RABGAP1L: variants seen among roughly 807,000 people sequenced by gnomAD.
The protein encoded by RABGAP1L is rab GTPase-activating protein 1-like.
RABGAP1L carries 63 observed loss-of-function variants against 137.7 expected under a neutral mutation model. The observed-to-expected ratio is 0.46, with a 90% CI of 0.37 to 0.56. The LOEUF (loss-of-function observed/expected upper bound fraction) is 0.56, where lower values mean the gene tolerates loss of function less well. Among genes scored for constraint, RABGAP1L ranks in the 20% least tolerant of loss-of-function variants. The pLI, the probability that RABGAP1L is intolerant of heterozygous loss-of-function variation, is 0.00. For synonymous variants in RABGAP1L, 431 were observed against 433.7 expected (o/e 0.99, Z 0.08); for missense variants, 1,095 against 1,244.0 (o/e 0.88, Z 1.80).
chr1:174,478,741 A>G (rs981937028), intron 13 of RABGAP1L, among the ~76,000 whole-genome samples: 10 of 152,212 alleles, frequency 6.6e-5, no homozygotes, highest in African/African-American at 9.6e-5. Flanking sequence ...TTCTTAAATT[A>G]GAGACCAATA....
At chr1:174,795,231 G>A (rs1688158805) in intron 18 of RABGAP1L, among the ~76,000 whole-genome samples, 1 of 152,076 alleles carries the variant, frequency 6.6e-6, no homozygotes, top group African/African-American at 2.4e-5. Flanking sequence ...ATTATTTTGA[G>A]GTAAAGGCGA....
At chr1:174,772,952 G>A (rs114899082) in intron 18 of RABGAP1L, among the ~76,000 whole-genome samples, 1,642 of 152,130 alleles carry the variant, frequency 0.011, 35 homozygotes, top group African/African-American at 0.038. Flanking sequence ...TGTTAATATT[G>A]TATTACTATT....
At chr1:174,286,940 T>G (rs751255477) in intron 10 of RABGAP1L, among the ~76,000 whole-genome samples, 5 of 152,166 alleles carry the variant, frequency 3.3e-5, no homozygotes, top group African/African-American at 7.2e-5. Flanking sequence ...AAGACTTTTT[T>G]TGTGTGTCTT....
intron 13 of RABGAP1L, among the ~76,000 whole-genome samples, chr1:174,543,101 CT>C (rs1473412085): frequency 6.6e-6 from 1 of 152,130 alleles, no homozygotes; most frequent in Non-Finnish European, 1.5e-5. Context: ...CTGTAGGTGT[CT>C]ATTAGATCTG....
At chr1:174,612,319 G>C (rs1671330932) in intron 13 of RABGAP1L, among the ~76,000 whole-genome samples, 1 of 152,130 alleles carries the variant, frequency 6.6e-6, no homozygotes. Context: ...ATAATCATGT[G>C]ATTTTTATCT....
At chr1:174,511,227 A>G (rs1662300179) in intron 13 of RABGAP1L, among the ~76,000 whole-genome samples, 3 of 152,342 alleles carry the variant, frequency 2.0e-5, no homozygotes, top group Middle Eastern at 6.8e-3. Flanking sequence ...AAATGTGTCT[A>G]TAAGGTACAT....
At chr1:174,728,005 TAGTC>T (rs1413414382) in intron 17 of RABGAP1L, among the ~76,000 whole-genome samples, 2 of 152,204 alleles carry the variant, frequency 1.3e-5, no homozygotes, top group African/African-American at 4.8e-5. Context: ...TAAATTTTAT[TAGTC>T]AGCAGTTACA....
chr1:174,647,314 T>G (rs568707900), intron 14 of RABGAP1L, among the ~76,000 whole-genome samples: 2 of 152,312 alleles, frequency 1.3e-5, no homozygotes, highest in South Asian at 4.1e-4. Context: ...TTCCAGCTTT[T>G]GCCCATTCAG....
intron 13 of RABGAP1L, among the ~76,000 whole-genome samples, chr1:174,541,326 T>A (rs951511556): frequency 2.0e-5 from 3 of 152,296 alleles, no homozygotes; most frequent in Non-Finnish European, 2.9e-5. Flanking sequence ...TCCAACACTA[T>A]GTTGAATAGG....
At chr1:174,779,679 A>G (rs531074443) in intron 18 of RABGAP1L, among the ~76,000 whole-genome samples, 5 of 152,248 alleles carry the variant, frequency 3.3e-5, no homozygotes, top group South Asian at 4.1e-4. Context: ...TGTATTAGAA[A>G]GAAATCATAC....
chr1:174,761,534 C>T lies in RABGAP1L; in HGVS notation c.2211+9180C>T, dbSNP rs1332938257. Among the ~76,000 whole-genome samples, 11 of 151,908 alleles carry T rather than the reference C, an allele frequency of 7.2e-5. No homozygotes were observed. Among genetic ancestry groups the T allele is most frequent in the Non-Finnish European group, 1.5e-5 (1 of 67,994 alleles). ...CTGCTCACTTCCCAGCAGAGGCTCTCCTCACTTCCCAGATGGTGGGGCCGC... is the reference window on the plus strand; with the variant it reads ...CTGCTCACTTCCCAGCAGAGGCTCTTCTCACTTCCCAGATGGTGGGGCCGC... On this transcript the variant is annotated intron_variant, in intron 18 of 25. Coordinates refer to ENST00000681986, the MANE Select transcript of RABGAP1L (RefSeq NM_001366446.1). This position sits in a 1 kb window ranked among gnomAD's most constrained non-coding sequence, Gnocchi z 4.0.
chr1:174,862,472 TTAAG>T (rs755137206), intron 19 of RABGAP1L, among the ~76,000 whole-genome samples: 3 of 152,118 alleles, frequency 2.0e-5, no homozygotes, highest in Non-Finnish European at 2.9e-5. Flanking sequence ...AATTATATAA[TTAAG>T]TTTTTAAGTG....
At chr1:174,649,477 T>C (rs2148383322) in intron 14 of RABGAP1L, among the ~76,000 whole-genome samples, 1 of 152,238 alleles carries the variant, frequency 6.6e-6, no homozygotes, top group African/African-American at 2.4e-5. Context: ...TTTGGCTGGA[T>C]ATGAAATTCT....
At chr1:174,376,929 G>A (rs1358200530) in intron 12 of RABGAP1L, among the ~76,000 whole-genome samples, 2 of 152,166 alleles carry the variant, frequency 1.3e-5, no homozygotes, top group African/African-American at 4.8e-5. Flanking sequence ...TTGCAGAGAT[G>A]TGATTGTCTG....
intron 13 of RABGAP1L, among the ~76,000 whole-genome samples, chr1:174,529,843 G>A (rs897153242): frequency 6.6e-6 from 1 of 152,050 alleles, no homozygotes; most frequent in Admixed American, 6.5e-5. Context: ...AGTTGTAGTG[G>A]TATTAGTTGG....
chr1:174,519,143 A>G (rs983445067), intron 13 of RABGAP1L, among the ~76,000 whole-genome samples: 4 of 151,632 alleles, frequency 2.6e-5, no homozygotes, highest in African/African-American at 9.7e-5. Flanking sequence ...ATATATATGT[A>G]TATACTTTTT....
chr1:174,322,544 TTA>T lies in RABGAP1L; in HGVS notation c.1465+17419_1465+17420del, dbSNP rs747598639. 4.3e-4 allele frequency among the ~76,000 whole-genome samples: 66 copies of T among 152,282 alleles called. 1 individual carries two copies. Among genetic ancestry groups the T allele is most frequent in the Middle Eastern group, 3.4e-3 (1 of 294 alleles). On this transcript the variant is annotated intron_variant, in intron 11 of 25. Transcript: ENST00000681986. ...CTTTAGAGAGGCTGCTTGGTTGTCC[TTA>T]TGATATAATGTCTAGCTTTTGCCAG...
chr1:174,289,380 T>C (rs1361958966), intron 10 of RABGAP1L, among the ~76,000 whole-genome samples: 1 of 152,238 alleles, frequency 6.6e-6, no homozygotes, highest in Non-Finnish European at 1.5e-5. Flanking sequence ...GTTGAACTTA[T>C]TTTGTTAATG....
intron 14 of RABGAP1L, among the ~76,000 whole-genome samples, chr1:174,648,300 G>T (rs1033476404): frequency 6.6e-6 from 1 of 152,022 alleles, no homozygotes; most frequent in Non-Finnish European, 1.5e-5. Flanking sequence ...TGATGTTAGG[G>T]TGTCAATTAT....
Sources: allele counts gnomAD v4.1 joint callset (sites outside exome capture counted in the v4.1 genomes callset), GRCh38; gene constraint gnomAD v4.1.1; non-coding constraint Gnocchi (gnomAD v3.1); transcripts MANE v1.5; gene names NCBI Gene and HGNC (gene_info 2026-07-23, HGNC 2026-07-21).